REV1: variants seen among roughly 807,000 people sequenced by gnomAD.
REV1 encodes REV1 DNA directed polymerase.
Under a neutral mutation model 137.4 loss-of-function variants are expected in REV1, and 42 were observed. That is an observed-to-expected ratio of 0.31 (90% CI 0.24 to 0.40). REV1 has a LOEUF of 0.40. REV1 is among the 10% of genes least tolerant of loss of function. REV1 has a pLI of 1.00. For missense variants in REV1, 1,282 were observed against 1,490.1 expected (o/e 0.86, Z 2.30); for synonymous variants, 524 against 519.2 (o/e 1.01, Z -0.12).
intron 15 of REV1, among the ~76,000 whole-genome samples, chr2:99,407,421 G>A (rs1360276868): frequency 3.3e-5 from 5 of 151,620 alleles, no homozygotes; most frequent in East Asian, 2.0e-4. Flanking sequence ...GCGTGGTAGC[G>A]GGTGCCTGTA....
At chr2:99,433,060 CATTCTTTAGT>C (rs1349594825) in intron 8 of REV1, among the ~76,000 whole-genome samples, 2 of 152,180 alleles carry the variant, frequency 1.3e-5, no homozygotes, top group Admixed American at 1.3e-4. Flanking sequence ...CTTCTTTCAG[CATTCTTTAGT>C]ATTTCATAAA....
chr2:99,488,468 T>C lies in REV1; in HGVS notation c.-11+1349A>G, dbSNP rs1687327071. On this transcript the variant is annotated intron_variant, in intron 1 of 22. Coordinates refer to ENST00000258428, the MANE Select transcript of REV1 (RefSeq NM_016316.4). ...TGGTACAGACTCTACCCTCAAAAGG[T>C]CCTACACAGTAAGAGAAGACAGGGC... 2.8e-5 allele frequency among the ~76,000 whole-genome samples: 2 copies of C among 70,928 alleles called. 1 individual carries two copies. Among genetic ancestry groups the C allele is most frequent in the South Asian group, 6.8e-4 (2 of 2,930 alleles). 46.5% of individuals were successfully genotyped at this position (70,928 alleles called of 152,430 possible).
chr2:99,482,814 C>T (rs1303372976), intron 1 of REV1, among the ~76,000 whole-genome samples: 2 of 151,952 alleles, frequency 1.3e-5, no homozygotes, highest in African/African-American at 4.8e-5. Flanking sequence ...GTCAGGAGTT[C>T]GAGACCAGCC....
rs563075605 is a variant in REV1 at position 99,408,272 on chromosome 2, T to TC, written c.2346-142dup. 206 of 430,752 alleles carry TC rather than the reference T, an allele frequency of 4.8e-4. 1 individual carries two copies. The highest frequency in any genetic ancestry group is 1.9e-4 in the Non-Finnish European group (48 of 248,054). 26.7% of individuals were successfully genotyped at this position (430,752 alleles called of 1,614,324 possible). On this transcript the variant is annotated intron_variant, in intron 14 of 22. Transcript: ENST00000258428. ...GATTATAAAAGTGAATGCCATAGTC[T>TC]CCCTTCAAGGAAGCCAGAAATACCA...
chr2:99,445,971 A>G (rs1331206906), intron 4 of REV1, among the ~76,000 whole-genome samples: 2 of 152,252 alleles, frequency 1.3e-5, no homozygotes, highest in African/African-American at 4.8e-5. Flanking sequence ...AATAGCTAAT[A>G]CATGTTAAAA....
intron 1 of REV1, among the ~76,000 whole-genome samples, chr2:99,482,858 A>T (rs1686764361): frequency 6.6e-6 from 1 of 151,966 alleles, no homozygotes; most frequent in Non-Finnish European, 1.5e-5. Flanking sequence ...CTCTACTAAA[A>T]ATACAAAACC....
intron 1 of REV1, among the ~76,000 whole-genome samples, chr2:99,468,685 C>T (rs775472576): frequency 1.6e-4 from 24 of 152,210 alleles, no homozygotes; most frequent in Non-Finnish European, 2.5e-4. Flanking sequence ...GCCAATCTCT[C>T]CTTATCCAGT....
At position 99,489,410 on chromosome 2, in the gene REV1, C is replaced by A. The variant is rs551975691; in HGVS notation, c.-11+407G>T. Among the ~76,000 whole-genome samples, 828 of 152,008 alleles carry A rather than the reference C, an allele frequency of 5.4e-3. 4 individuals are homozygous for A. The highest frequency in any genetic ancestry group is 0.019 in the African/African-American group (791 of 41,528). Reference sequence around the variant, plus strand: ...GAATGAATGGCGCGGAACTGAATGGCCGGCCGAGGCGCCGGCGCAGGAGGA... The same window carrying A: ...GAATGAATGGCGCGGAACTGAATGGACGGCCGAGGCGCCGGCGCAGGAGGA... On this transcript the variant is annotated intron_variant, in intron 1 of 22. Coordinates refer to ENST00000258428, the MANE Select transcript of REV1 (RefSeq NM_016316.4).
chr2:99,451,269 C>T (rs976980242), intron 3 of REV1: 11 of 863,560 alleles, frequency 1.3e-5, no homozygotes, highest in Admixed American at 8.7e-5. Flanking sequence ...AAATAGAAAA[C>T]GGCTGTCCTT....
At chr2:99,403,925 T>C in intron 18 of REV1, 110 bp from the exon 19 acceptor site, 2 of 1,318,482 alleles carry the variant, frequency 1.5e-6, no homozygotes, top group South Asian at 1.4e-5. Flanking sequence ...TTCTGATCTG[T>C]ACGAATTCTT....
intron 14 of REV1, among the ~76,000 whole-genome samples, chr2:99,409,654 G>C (rs1185170942): frequency 6.6e-6 from 1 of 152,038 alleles, no homozygotes; most frequent in Non-Finnish European, 1.5e-5. Context: ...GATCAGCCTT[G>C]CCAACATAGT....
chr2:99,482,940 C>G (rs1347304998), intron 1 of REV1, among the ~76,000 whole-genome samples: 1 of 150,514 alleles, frequency 6.6e-6, no homozygotes, highest in Non-Finnish European at 1.5e-5. Context: ...TCGCTTGAAC[C>G]TGGGAGGAGG....
At chr2:99,474,199 T>C (rs1226826820) in intron 1 of REV1, among the ~76,000 whole-genome samples, 1 of 152,184 alleles carries the variant, frequency 6.6e-6, no homozygotes, top group East Asian at 1.9e-4. Flanking sequence ...TATCCTTAGT[T>C]TTCCAAGACC....
At position 99,431,267 on chromosome 2, in the gene REV1, A is replaced by C. The variant is rs374260652; in HGVS notation, c.1439-1319T>G. On this transcript the variant is annotated intron_variant, in intron 8 of 22. Transcript: ENST00000258428. ...CTCGGGTCAAATCCTACTTGCTTCA[A>C]AACAGCAGAGTGTGTAATGTGAGCT... Among the ~76,000 whole-genome samples the C allele has an allele frequency of 4.6e-5, 7 of 152,348 alleles. No homozygotes were observed. In the East Asian group the frequency reaches 1.2e-3, roughly 25 times the overall value.
rs1575275724 is a variant in REV1 at position 99,486,909 on chromosome 2, A to G, written c.-11+2908T>C. 2.4e-5 allele frequency among the ~76,000 whole-genome samples: 3 copies of G among 125,640 alleles called. No homozygotes were observed. The Admixed American group carries it at 2.9e-4, about 12-fold the overall frequency. 82.4% of individuals were successfully genotyped at this position (125,640 alleles called of 152,430 possible). A position where few individuals can be genotyped will look rare whatever the true frequency, so the allele number is the denominator to read the frequency against. ...CAAACAAGTCTAAGGGGGGAAATAA[A>G]TAAGTGGGAAAAAAAAAACAGTGTA... On this transcript the variant is annotated intron_variant, in intron 1 of 22. Transcript: ENST00000258428.
intron 3 of REV1, among the ~76,000 whole-genome samples, chr2:99,452,431 A>AC (rs1410540145): frequency 4.0e-5 from 6 of 151,722 alleles, no homozygotes; most frequent in Non-Finnish European, 2.9e-5. Flanking sequence ...TAAAAAAAAA[A>AC]AAAAAGGAAA....
At chr2:99,466,019 G>T (rs1022597541) in intron 1 of REV1, among the ~76,000 whole-genome samples, 5 of 151,306 alleles carry the variant, frequency 3.3e-5, no homozygotes, top group Admixed American at 6.6e-5. Context: ...TCGGCTCACT[G>T]CAAGCTCCGC....
chr2:99,408,055 T>G lies in REV1; in HGVS notation c.2422A>C (p.Lys808Gln), dbSNP rs747488756. 6.9e-6 allele frequency: 11 copies of G among 1,605,602 alleles called. No individual in the cohort carries two copies. The South Asian group carries it at 1.2e-4, about 18-fold the overall frequency. ...CCTCTCATATCTGATATATTTAGTTTCATTGTATGAAACATGTTTAGCATC... is the reference window on the plus strand; with the variant it reads ...CCTCTCATATCTGATATATTTAGTTGCATTGTATGAAACATGTTTAGCATC... ...KAMLNMFHTM[K>Q]LNISDMRGVG... Residue 808 changes from lysine to glutamine, a missense_variant, in exon 15 of 23, where the codon AAA (lysine) becomes CAA (glutamine). Lys to Gln is a moderately conservative substitution (Grantham distance 53). This residue lies in a region of REV1 where 372 missense variants were observed against 482.3 expected (regional missense o/e 0.77). Coordinates refer to ENST00000258428, the MANE Select transcript of REV1 (RefSeq NM_016316.4).
rs1682673420 is a variant in REV1 at position 99,449,521 on chromosome 2, A to G, written c.182-17T>C. On this transcript the variant is annotated splice_polypyrimidine_tract_variant and intron_variant, in intron 3 of 22. Transcript: ENST00000258428. ...CGGAAGGATCTGCAAAATTTATATT[A>G]AAATATATTAAGAGTCTTATGTGTA... 4.5e-6 allele frequency: 6 copies of G among 1,344,594 alleles called. No homozygotes were observed. The highest frequency in any genetic ancestry group is 5.9e-6 in the Non-Finnish European group (6 of 1,016,848). 83.3% of individuals were successfully genotyped at this position (1,344,594 alleles called of 1,614,324 possible). A position where few individuals can be genotyped will look rare whatever the true frequency, so the allele number is the denominator to read the frequency against.
Sources: gnomAD v4.1 joint callset for allele counts (sites outside exome capture counted in the v4.1 genomes callset) on GRCh38, gnomAD v4.1.1 for gene constraint, gnomAD v4.1.1 regional missense constraint, MANE v1.5 for transcripts, NCBI Gene and HGNC (gene_info 2026-07-23, HGNC 2026-07-21) for gene names.